The following GBP1 variants were observed in gnomAD, a reference collection of about 807,000 sequenced individuals.
GBP1 encodes the protein guanylate-binding protein 1.
A neutral mutation model predicts 69.5 loss-of-function variants in GBP1; 64 were observed. The ratio of observed to expected loss-of-function variants is 0.92; its 90% CI spans 0.75 to 1.13. The LOEUF (loss-of-function observed/expected upper bound fraction) is 1.13. Ranked by LOEUF, GBP1 falls within the 50% of genes most tolerant of loss-of-function variation. The pLI, the probability that GBP1 is intolerant of heterozygous loss-of-function variation, is 0.00. For synonymous variants in GBP1, 250 were observed against 261.2 expected (o/e 0.96, Z 0.41); for missense variants, 630 against 704.1 (o/e 0.89, Z 1.19).
intron 8 of GBP1, chr1:89,055,778 A>C: frequency 1.7e-6 from 1 of 585,284 alleles, no homozygotes; most frequent in Non-Finnish European, 3.0e-6. Context: ...TGACAATAAT[A>C]ACTTTGTGCT....
Position 89,058,284 on chromosome 1 carries a change from G to A in GBP1, c.632-50C>T, listed in dbSNP as rs1246668808. 2.7e-6 allele frequency: 4 copies of A among 1,454,666 alleles called. No homozygotes were observed. In the African/African-American group the frequency reaches 4.3e-5, roughly 15 times the overall value. 90.1% of individuals were successfully genotyped at this position (1,454,666 alleles called of 1,614,324 possible). A position where few individuals can be genotyped will look rare whatever the true frequency, so the allele number is the denominator to read the frequency against. ...AAAATTGCCTAATATAAGTGTTTCTGTAAAGGGCCAAATAGTAAATATTTT... is the reference window on the plus strand; with the variant it reads ...AAAATTGCCTAATATAAGTGTTTCTATAAAGGGCCAAATAGTAAATATTTT... On this transcript the variant is annotated intron_variant, in intron 5 of 10. Transcript: ENST00000370473.
chr1:89,053,254 G>C lies in GBP1; in HGVS notation c.*101C>G, dbSNP rs1679963024. 3 of 756,202 alleles carry C rather than the reference G, an allele frequency of 4.0e-6. No homozygotes were observed. Among genetic ancestry groups the C allele is most frequent in the Non-Finnish European group, 6.2e-6 (3 of 480,714 alleles). 46.8% of individuals were successfully genotyped at this position (756,202 alleles called of 1,614,324 possible). ...TGCCTTTATAAACTTTTGGTGTTAT[G>C]ATGCAAGATCTAATTATTATCAAAT... On this transcript the variant is annotated 3_prime_UTR_variant, in exon 11 of 11. Transcript: ENST00000370473.
chr1:89,054,435 T>A (rs1011439619), intron 10 of GBP1, among the ~76,000 whole-genome samples: 1 of 151,750 alleles, frequency 6.6e-6, no homozygotes, highest in Admixed American at 6.6e-5. Flanking sequence ...TAGCAGATAA[T>A]AGCTTCCTTG....
At chr1:89,062,728 T>C (rs1680232502) in intron 2 of GBP1, 1 of 234,266 alleles carries the variant, frequency 4.3e-6, no homozygotes, top group Admixed American at 5.0e-5. Flanking sequence ...ACTCTGTTAT[T>C]GCATAAAAAT....
chr1:89,057,330 C>G (rs1419302963), intron 6 of GBP1, among the ~76,000 whole-genome samples, 196 bp from the exon 7 acceptor site: 1 of 152,166 alleles, frequency 6.6e-6, no homozygotes, highest in East Asian at 1.9e-4. Context: ...TGGTAAGATC[C>G]TCAGAAGATA....
chr1:89,063,057 C>CTG lies in GBP1; in HGVS notation c.177_178insCA (p.Gly60GlnfsTer35), dbSNP rs770172164. The CTG allele has an allele frequency of 5.6e-6, 9 of 1,613,998 alleles. No homozygotes were observed. In the East Asian group the frequency reaches 2.0e-4, roughly 36 times the overall value. On this transcript the variant is annotated frameshift_variant, in exon 2 of 11. Transcript: ENST00000370473. LOFTEE classifies it high-confidence loss of function. ...TCATGCCACTCACCCTTTTTCTTTC[C>CTG]AGCCAGCTTGTTCATCAGGTAGGAT...
At position 89,059,311 on chromosome 1, in the gene GBP1, G is replaced by T. The variant is rs544122263; in HGVS notation, c.428+6C>A. ...CTTGGTGCTGTTCTGGGTCACAAAA[G>T]GATACTACAGTTGGTCCATAGCCTG... On this transcript the variant is annotated splice_donor_region_variant and intron_variant, in intron 4 of 10. Coordinates refer to ENST00000370473, the MANE Select transcript of GBP1 (RefSeq NM_002053.3). The T allele has an allele frequency of 6.8e-6, 11 of 1,613,974 alleles. No individual in the cohort carries two copies. The highest frequency in any genetic ancestry group is 2.2e-5 in the East Asian group (1 of 44,902).
Position 89,053,214 on chromosome 1 carries a change from G to C in GBP1, c.*141C>G. 2.3e-6 allele frequency: 1 copy of C among 443,492 alleles called. No homozygotes were observed. Among genetic ancestry groups the C allele is most frequent in the South Asian group, 4.4e-5 (1 of 22,870 alleles). The allele number at this position is 443,492 out of a possible 1,614,324, so 27.5% of individuals were successfully genotyped here. A position where few individuals can be genotyped will look rare whatever the true frequency, so the allele number is the denominator to read the frequency against. On this transcript the variant is annotated 3_prime_UTR_variant, in exon 11 of 11. Transcript: ENST00000370473. ...TTTTTTTAAGAAAAAACATGATTTT[G>C]ATCATTGTACCACATGCCTTTATAA...
intron 8 of GBP1, 195 bp downstream of exon 8, chr1:89,055,821 T>C: frequency 1.5e-6 from 1 of 659,442 alleles, no homozygotes; most frequent in Non-Finnish European, 2.6e-6. Context: ...ACTTAATAGT[T>C]AATTGACTGC....
chr1:89,053,605 A>G (rs1679972061), intron 10 of GBP1, 137 bp from the exon 11 acceptor site: 1 of 1,356,250 alleles, frequency 7.4e-7, no homozygotes, highest in Non-Finnish European at 9.8e-7. Flanking sequence ...ACTTTGGCCT[A>G]TCATTGACCA....
chr1:89,054,307 A>G (rs1448582799), intron 10 of GBP1, among the ~76,000 whole-genome samples: 4 of 152,172 alleles, frequency 2.6e-5, no homozygotes, highest in South Asian at 2.1e-4. Context: ...TCACCGTGTT[A>G]GCCAGGATGG....
At chr1:89,057,932 A>T in intron 6 of GBP1, 60 bp downstream of exon 6, 1 of 1,494,458 alleles carries the variant, frequency 6.7e-7, no homozygotes, top group Non-Finnish European at 9.0e-7. Flanking sequence ...ACTAGGTGGA[A>T]GTTATTCTAT....
At chr1:89,062,807 C>A in intron 2 of GBP1, 1 of 499,870 alleles carries the variant, frequency 2.0e-6, no homozygotes, top group Non-Finnish European at 3.6e-6. Context: ...TACTGTCTTA[C>A]TCCTTTTAGG....
chr1:89,056,714 G>T, intron 7 of GBP1, 140 bp downstream of exon 7: 2 of 999,828 alleles, frequency 2.0e-6, no homozygotes, highest in Non-Finnish European at 3.0e-6. Flanking sequence ...CCTTCTGACT[G>T]ATGTGATCAC....
rs1680115906 is a variant in GBP1, at chr1:89,059,047, A to G, written c.429-4T>C. On this transcript the variant is annotated splice_region_variant and splice_polypyrimidine_tract_variant and intron_variant, in intron 4 of 10. Coordinates refer to ENST00000370473, the MANE Select transcript of GBP1 (RefSeq NM_002053.3). ...ATGTGTCAGCTCTGTCACATAGCTG[A>G]GTAGCTAACTAAGGAAATGTGACAA... 4 of 1,614,024 alleles carry G rather than the reference A, an allele frequency of 2.5e-6. No homozygotes were observed. The Admixed American group carries it at 6.7e-5, about 27-fold the overall frequency.
intron 8 of GBP1, 50 bp downstream of exon 8, chr1:89,055,966 T>C (rs1205969666): frequency 1.1e-5 from 18 of 1,609,522 alleles, no homozygotes; most frequent in Non-Finnish European, 1.5e-5. Context: ...TTGGTGTTTG[T>C]AGGAGGCAGG....
At chr1:89,059,996 A>G (rs1328227) in intron 3 of GBP1, among the ~76,000 whole-genome samples, 117,157 of 152,216 alleles carry the variant, frequency 0.77, 45,359 homozygotes, top group African/African-American at 0.81. Flanking sequence ...ACAAAGTCAC[A>G]TGGCTTTAGC....
At chr1:89,062,918 G>A (rs1028588801) in intron 2 of GBP1, 127 bp downstream of exon 2, 21 of 1,137,146 alleles carry the variant, frequency 1.8e-5, no homozygotes, top group South Asian at 4.3e-5. Context: ...TAAGGAGCCC[G>A]ACTGTGAATG....
At chr1:89,061,489 AACTT>A (rs1680197243) in intron 2 of GBP1, among the ~76,000 whole-genome samples, 1 of 152,180 alleles carries the variant, frequency 6.6e-6, no homozygotes, top group South Asian at 2.1e-4. Flanking sequence ...ATTACCTTAT[AACTT>A]ACAAATATGA....
Sources: allele counts gnomAD v4.1 joint callset (sites outside exome capture counted in the v4.1 genomes callset), GRCh38; gene constraint gnomAD v4.1.1; transcripts MANE v1.5; gene names NCBI Gene and HGNC (gene_info 2026-07-23, HGNC 2026-07-21).